Variants in DGKB observed in about 807,000 individuals in gnomAD.
DGKB encodes the protein diacylglycerol kinase beta, also known as 90 kDa diacylglycerol kinase.
DGKB carries 67 observed loss-of-function variants against 114.3 expected under a neutral mutation model. The observed-to-expected ratio is 0.59, with a 90% CI of 0.48 to 0.72. The LOEUF is 0.72. Ranked by LOEUF, DGKB falls within the 30% of genes least tolerant of loss-of-function variation. DGKB has a pLI of 0.00. For missense variants in DGKB, 907 were observed against 975.2 expected, an observed-to-expected ratio of 0.93 and a Z score of 0.93; for synonymous variants, 398 against 323.1, an observed-to-expected ratio of 1.23 and a Z score of -2.49.
chr7:14,694,584 T>C (rs1037295592), intron 8 of DGKB, among the ~76,000 whole-genome samples: 3 of 152,236 alleles, frequency 2.0e-5, no homozygotes, highest in African/African-American at 7.2e-5. Context: ...AATTCTTTGC[T>C]AAGTAGTAAG....
At chr7:14,736,960 G>A (rs1275371144) in intron 4 of DGKB, among the ~76,000 whole-genome samples, 3 of 152,180 alleles carry the variant, frequency 2.0e-5, no homozygotes, top group Admixed American at 6.5e-5. Context: ...TGCAGATGAA[G>A]GCAGTGCACC....
At chr7:14,287,084 G>C (rs1360222698) in intron 23 of DGKB, among the ~76,000 whole-genome samples, 1 of 152,060 alleles carries the variant, frequency 6.6e-6, no homozygotes, top group Non-Finnish European at 1.5e-5. Context: ...TTAAAATTCT[G>C]TGACTGTGAT....
chr7:14,762,019 T>C (rs1178442277), intron 2 of DGKB, among the ~76,000 whole-genome samples: 1 of 152,110 alleles, frequency 6.6e-6, no homozygotes, highest in African/African-American at 2.4e-5. Context: ...CAGGGCAGGA[T>C]ACTTGGAAAA....
At chr7:14,502,701 T>G (rs1240617105) in intron 20 of DGKB, among the ~76,000 whole-genome samples, 1 of 152,142 alleles carries the variant, frequency 6.6e-6, no homozygotes, top group Non-Finnish European at 1.5e-5. Flanking sequence ...TGATTTAGAT[T>G]ATACATAAAG....
At chr7:14,912,015 T>A (rs2128243901) in intron 1 of DGKB, among the ~76,000 whole-genome samples, 1 of 152,352 alleles carries the variant, frequency 6.6e-6, no homozygotes, top group African/African-American at 2.4e-5. Context: ...TGTTTTAGTT[T>A]GTTTGCTTCT....
At chr7:14,950,713 A>G (rs1029326575) in intron 1 of DGKB, among the ~76,000 whole-genome samples, 1 of 152,000 alleles carries the variant, frequency 6.6e-6, no homozygotes, top group Non-Finnish European at 1.5e-5. Context: ...CAAAAAATAG[A>G]AGAGAAATAA....
chr7:14,289,415 C>A (rs912156815), intron 23 of DGKB, among the ~76,000 whole-genome samples: 8 of 152,124 alleles, frequency 5.3e-5, no homozygotes, highest in Non-Finnish European at 5.9e-5. Flanking sequence ...AGTTTCTGAA[C>A]AATAATAACA....
intron 1 of DGKB, among the ~76,000 whole-genome samples, chr7:14,923,336 G>A (rs1784599859): frequency 6.6e-6 from 1 of 151,602 alleles, no homozygotes; most frequent in Admixed American, 6.6e-5. Context: ...TCTCCTTTTG[G>A]AGCTCCAATC....
intron 21 of DGKB, among the ~76,000 whole-genome samples, chr7:14,364,467 A>G (rs1583426133): frequency 1.3e-5 from 2 of 152,150 alleles, no homozygotes; most frequent in Middle Eastern, 6.8e-3. Context: ...AAAAGAAGAG[A>G]AAATCTGTAT....
intron 23 of DGKB, among the ~76,000 whole-genome samples, chr7:14,309,543 C>T (rs1052248300): frequency 6.6e-6 from 1 of 152,198 alleles, no homozygotes; most frequent in African/African-American, 2.4e-5. Context: ...TATAATGATA[C>T]ATGAATATCT....
At chr7:14,468,449 T>C (rs1780799946) in intron 21 of DGKB, among the ~76,000 whole-genome samples, 1 of 152,072 alleles carries the variant, frequency 6.6e-6, no homozygotes, top group Non-Finnish European at 1.5e-5. Context: ...GATAGGGATT[T>C]TGGAAATAAT....
At chr7:14,332,195 C>T (rs1809845537) in intron 23 of DGKB, among the ~76,000 whole-genome samples, 1 of 152,090 alleles carries the variant, frequency 6.6e-6, no homozygotes, top group African/African-American at 2.4e-5. Flanking sequence ...AGCTTCTAAT[C>T]TGGGCTTTTC....
intron 2 of DGKB, among the ~76,000 whole-genome samples, chr7:14,830,502 G>A (rs1233683108): frequency 6.6e-6 from 1 of 152,102 alleles, no homozygotes; most frequent in African/African-American, 2.4e-5. Context: ...CAAAGCTGTA[G>A]TTACTAGCAT....
chr7:14,820,111 T>C (rs369884735), intron 2 of DGKB, among the ~76,000 whole-genome samples: 5 of 152,156 alleles, frequency 3.3e-5, no homozygotes, highest in African/African-American at 7.2e-5. Flanking sequence ...TAGCTCATTG[T>C]AGTAGGAATT....
chr7:14,620,681 T>C (rs984190252), intron 15 of DGKB, among the ~76,000 whole-genome samples: 1 of 151,708 alleles, frequency 6.6e-6, no homozygotes, highest in Non-Finnish European at 1.5e-5. Flanking sequence ...CATTTTTCTG[T>C]TGAAGTAAGA....
intron 21 of DGKB, among the ~76,000 whole-genome samples, chr7:14,363,827 C>A (rs1261931241): frequency 6.6e-6 from 1 of 151,994 alleles, no homozygotes; most frequent in Non-Finnish European, 1.5e-5. Context: ...ACTAAGGCTT[C>A]TTTCATATCT....
At chr7:14,695,977 T>A (rs1363525380) in intron 8 of DGKB, among the ~76,000 whole-genome samples, 1 of 152,152 alleles carries the variant, frequency 6.6e-6, no homozygotes, top group Non-Finnish European at 1.5e-5. Context: ...AGCAGACTTA[T>A]CAGTAACACA....
At chr7:14,583,919 G>A (rs558647334) in intron 17 of DGKB, among the ~76,000 whole-genome samples, 1 of 152,148 alleles carries the variant, frequency 6.6e-6, no homozygotes, top group Non-Finnish European at 1.5e-5. Context: ...GGTATGTTAT[G>A]TGTCTCTTCA....
intron 23 of DGKB, among the ~76,000 whole-genome samples, chr7:14,333,449 A>G (rs1435357808): frequency 7.3e-6 from 1 of 136,588 alleles, no homozygotes; most frequent in African/African-American, 2.8e-5. Flanking sequence ...CAACAGAGTG[A>G]GACTCCGTCT....
Sources: gnomAD v4.1 joint callset for allele counts (sites outside exome capture counted in the v4.1 genomes callset) on GRCh38, gnomAD v4.1.1 for gene constraint, MANE v1.5 for transcripts, NCBI Gene and HGNC (gene_info 2026-07-23, HGNC 2026-07-21) for gene names.